KIFC3: variants seen among roughly 807,000 people sequenced by gnomAD.
KIFC3 encodes kinesin-like protein KIFC3.
In KIFC3, 60 loss-of-function variants were observed where a neutral mutation model predicts 101.8. The observed-to-expected ratio is 0.59, with a 90% confidence interval of 0.48 to 0.73. The LOEUF (loss-of-function observed/expected upper bound fraction) is 0.73. KIFC3 is among the 30% of genes least tolerant of loss of function. The pLI is 0.00. For missense variants in KIFC3, 966 were observed against 1,137.1 expected (o/e 0.85, Z 2.16); for synonymous variants, 476 against 482.7 (o/e 0.99, Z 0.18).
At chr16:57,764,072 A>G in intron 12 of KIFC3, 71 bp downstream of exon 12, 3 of 1,095,318 alleles carry the variant, frequency 2.7e-6, no homozygotes, top group African/African-American at 1.5e-5. Flanking sequence ...ACAATACCCC[A>G]AGACCAATGA....
At chr16:57,824,644 C>T (rs2055421672) in intron 1 of KIFC3, among the ~76,000 whole-genome samples, 1 of 152,156 alleles carries the variant, frequency 6.6e-6, no homozygotes, top group Non-Finnish European at 1.5e-5. Context: ...GATGGTGCCC[C>T]TGCACTCCAC....
chr16:57,794,209 C>T (rs1327316090), intron 3 of KIFC3, among the ~76,000 whole-genome samples: 1 of 151,776 alleles, frequency 6.6e-6, no homozygotes, highest in African/African-American at 2.4e-5. Context: ...AATATACATA[C>T]ATATGTAAAG....
intron 1 of KIFC3, among the ~76,000 whole-genome samples, chr16:57,852,532 A>G (rs2056079161): frequency 6.6e-6 from 1 of 152,106 alleles, no homozygotes; most frequent in Non-Finnish European, 1.5e-5. Context: ...CAAAATCCAG[A>G]TTCCTTAACA....
In KIFC3 at chr16:57,836,436, C is replaced by G. The variant is rs569946167; in HGVS notation, c.108+26293G>C. Among the ~76,000 whole-genome samples the G allele has an allele frequency of 4.3e-4, 65 of 151,922 alleles. 2 individuals are homozygous for G. The South Asian group carries it at 0.013, about 31-fold the overall frequency. On this transcript the variant is annotated intron_variant, in intron 1 of 2. Coordinates refer to the KIFC3 transcript ENST00000563028. ...CCAGTGCAGGCATTTTCTCCTTGGCCCTTATCAGCTTGGTGGAGCTAAGAG... is the reference window on the plus strand; with the variant it reads ...CCAGTGCAGGCATTTTCTCCTTGGCGCTTATCAGCTTGGTGGAGCTAAGAG...
intron 3 of KIFC3, among the ~76,000 whole-genome samples, chr16:57,789,978 C>T (rs1386904147): frequency 6.6e-6 from 1 of 152,026 alleles, no homozygotes; most frequent in Admixed American, 6.6e-5. Context: ...TTCAAGTGAT[C>T]CACCTGCCTC....
chr16:57,801,022 A>G (rs2054691004), intron 1 of KIFC3, among the ~76,000 whole-genome samples: 2 of 152,214 alleles, frequency 1.3e-5, no homozygotes, highest in Non-Finnish European at 2.9e-5. Flanking sequence ...ACCACCTTAT[A>G]GGGTTGCTCT....
intron 18 of KIFC3, 129 bp from the exon 19 acceptor site, chr16:57,759,282 G>T: frequency 1.8e-6 from 2 of 1,134,900 alleles, no homozygotes; most frequent in South Asian, 1.4e-5. Context: ...GCTAAACAGG[G>T]GCTGGAGCCC....
intron 1 of KIFC3, among the ~76,000 whole-genome samples, chr16:57,860,092 T>TAAAAC (rs1555485107): frequency 7.9e-6 from 1 of 127,238 alleles, no homozygotes; most frequent in Non-Finnish European, 1.8e-5. Flanking sequence ...TAAAATAAAA[T>TAAAAC]AAAAACAAGT....
At chr16:57,776,961 G>T (rs2052174317) in intron 3 of KIFC3, 1 of 152,216 alleles carries the variant, frequency 6.6e-6, no homozygotes, top group South Asian at 2.1e-4. Flanking sequence ...GAATTAATTT[G>T]ATTTTAAAAG....
intron 1 of KIFC3, chr16:57,814,037 C>T (rs1318056523): frequency 5.5e-6 from 1 of 183,478 alleles, no homozygotes; most frequent in African/African-American, 2.4e-5. Context: ...CTGCACCACA[C>T]TGCCTCTCAA....
chr16:57,848,529 G>A (rs1264316258), intron 1 of KIFC3, among the ~76,000 whole-genome samples: 1 of 152,204 alleles, frequency 6.6e-6, no homozygotes, highest in African/African-American at 2.4e-5. Context: ...TGGGAAGGCT[G>A]AATCCAGAGG....
upstream of KIFC3, chr16:57,802,996 C>T: frequency 6.5e-7 from 1 of 1,535,902 alleles, no homozygotes; most frequent in Admixed American, 2.0e-5. This position sits in a 1 kb window ranked among gnomAD's most constrained non-coding sequence, Gnocchi z 5.0. Flanking sequence ...CGTGTCCTTG[C>T]ACGCGCTGGC....
chr16:57,759,174 G>T (rs141124624), intron 18 of KIFC3, 21 bp from the exon 19 acceptor site: 1 of 1,550,750 alleles, frequency 6.4e-7, no homozygotes, highest in Admixed American at 2.0e-5. Flanking sequence ...AGTGACAGGC[G>T]TCTCACTGGT....
chr16:57,832,641 A>ATAC (rs1344464578), intron 1 of KIFC3, among the ~76,000 whole-genome samples: 1 of 151,950 alleles, frequency 6.6e-6, no homozygotes, highest in Non-Finnish European at 1.5e-5. Flanking sequence ...TTCTCCCAGC[A>ATAC]TACTGCCCTT....
chr16:57,765,572 TG>T lies in KIFC3; in HGVS notation c.1398del (p.Asn467MetfsTer3). 1.2e-6 allele frequency: 2 copies of T among 1,610,058 alleles called. No individual in the cohort carries two copies. The highest frequency in any genetic ancestry group is 1.7e-6 in the Non-Finnish European group (2 of 1,178,132). On this transcript the variant is annotated frameshift_variant, in exon 11 of 20. Coordinates refer to ENST00000445690, the MANE Select transcript of KIFC3 (RefSeq NM_001130100.2). LOFTEE classifies it high-confidence loss of function. ...TCGTCGGCATCGAAAGTCACAGCAT[TG>T]GTGGCCTCAGGTCCTTCCCCATCCT... ...TKEDGEGPEA[T>X]NAVTFDADDD... is the part of the protein sequence containing the mutation.
Position 57,802,250 on chromosome 16 carries a change from A to C in KIFC3, c.-40+120T>G, listed in dbSNP as rs2054778447. 4 of 428,464 alleles carry C rather than the reference A, an allele frequency of 9.3e-6. No homozygotes were observed. Among genetic ancestry groups the C allele is most frequent in the Non-Finnish European group, 9.3e-6 (3 of 321,112 alleles). 26.5% of individuals were successfully genotyped at this position (428,464 alleles called of 1,614,324 possible). A position where few individuals can be genotyped will look rare whatever the true frequency, so the allele number is the denominator to read the frequency against. ...CGGGCCTTTCCCTCCCCGCGCCCAT[A>C]GCGGGTCCGGGCAGAGGGGTCCCGA... On this transcript the variant is annotated intron_variant, in intron 1 of 19. Coordinates refer to ENST00000445690, the MANE Select transcript of KIFC3 (RefSeq NM_001130100.2). This position sits in a 1 kb window ranked among gnomAD's most constrained non-coding sequence, Gnocchi z 5.0.
chr16:57,772,546 G>A (rs1158520457), intron 3 of KIFC3, among the ~76,000 whole-genome samples: 2 of 152,110 alleles, frequency 1.3e-5, no homozygotes, highest in Admixed American at 6.5e-5. Flanking sequence ...AAGCCCAGAG[G>A]GCAAGTGCAA....
chr16:57,789,167 T>A (rs1555619172), intron 3 of KIFC3, among the ~76,000 whole-genome samples: 2 of 152,212 alleles, frequency 1.3e-5, no homozygotes, highest in African/African-American at 4.8e-5. Flanking sequence ...CATCTCCAGA[T>A]GGGACCCCCA....
At chr16:57,817,565 C>G (rs1232991289) in intron 1 of KIFC3, among the ~76,000 whole-genome samples, 1 of 152,028 alleles carries the variant, frequency 6.6e-6, no homozygotes, top group East Asian at 1.9e-4. Flanking sequence ...CATGTCACAC[C>G]AGTCTCTTTC....
Sources: gnomAD v4.1 joint callset for allele counts (sites outside exome capture counted in the v4.1 genomes callset) on GRCh38, gnomAD v4.1.1 for gene constraint, Gnocchi (gnomAD v3.1) non-coding constraint, MANE v1.5 for transcripts, NCBI Gene and HGNC (gene_info 2026-07-23, HGNC 2026-07-21) for gene names.